The following DPYSL5 variants were observed in gnomAD, a reference collection of about 807,000 sequenced individuals.
The protein encoded by DPYSL5 is dihydropyrimidinase like 5.
A neutral mutation model predicts 58.4 loss-of-function variants in DPYSL5; 9 were observed. That is an observed-to-expected ratio of 0.15 (90% CI 0.09 to 0.27). The LOEUF is 0.27. DPYSL5 is among the 10% of genes least tolerant of loss of function. The pLI, the probability that DPYSL5 is intolerant of heterozygous loss-of-function variation, is 1.00. For missense variants in DPYSL5, 499 were observed against 770.6 expected (o/e 0.65, Z 4.17); for synonymous variants, 293 against 301.9 (o/e 0.97, Z 0.31).
chr2:26,881,260 A>T (rs1663554381), intron 1 of DPYSL5, among the ~76,000 whole-genome samples: 1 of 152,112 alleles, frequency 6.6e-6, no homozygotes, highest in African/African-American at 2.4e-5. Flanking sequence ...CCTGAAATCC[A>T]GATGCGATCA....
intron 1 of DPYSL5, among the ~76,000 whole-genome samples, chr2:26,896,224 C>A (rs1243470535): frequency 6.6e-6 from 1 of 152,198 alleles, no homozygotes; most frequent in Non-Finnish European, 1.5e-5. Flanking sequence ...AGGACCTCCC[C>A]CTTTTTTATG....
At chr2:26,881,530 G>T (rs1663561391) in intron 1 of DPYSL5, among the ~76,000 whole-genome samples, 1 of 152,178 alleles carries the variant, frequency 6.6e-6, no homozygotes, top group South Asian at 2.1e-4. Context: ...TTCTGGACTG[G>T]TGTAAAAATG....
In DPYSL5 at chr2:26,934,483, C is replaced by A. The variant is rs1006112829; in HGVS notation, c.791-95C>A. On this transcript the variant is annotated intron_variant, in intron 7 of 12. Transcript: ENST00000288699. The surrounding 1 kb of genome is among the most constrained non-coding windows in gnomAD (Gnocchi z 4.3). The stretch of plus-strand genomic sequence containing the variant: ...TGGGCAGGTCCCTTCCTGTCTCTGA[C>A]CTCAGCTCCTTCACCTGTAAAATGA... The A allele has an allele frequency of 2.0e-6, 3 of 1,469,786 alleles. No homozygotes were observed. The highest frequency in any genetic ancestry group is 1.8e-6 in the Non-Finnish European group (2 of 1,089,040). The allele number at this position is 1,469,786 out of a possible 1,614,324, so 91.0% of individuals were successfully genotyped here. A position where few individuals can be genotyped will look rare whatever the true frequency, so the allele number is the denominator to read the frequency against.
chr2:26,894,978 A>G (rs974803705), intron 1 of DPYSL5, among the ~76,000 whole-genome samples: 1 of 152,178 alleles, frequency 6.6e-6, no homozygotes. Flanking sequence ...GTTCATTTTT[A>G]TATAAGATTT....
Position 26,929,322 on chromosome 2 carries a change from T to G in DPYSL5, c.669+999T>G, listed in dbSNP as rs191588859. On this transcript the variant is annotated intron_variant, in intron 5 of 12. Coordinates refer to ENST00000288699, the MANE Select transcript of DPYSL5 (RefSeq NM_020134.4). ...ATCTCGGCTCACTGCAACCTCTGCA[T>G]CCCGGGTTCAAGCCATTCTCCTGCC... is the stretch of plus-strand genomic sequence containing the variant. 6.9e-3 allele frequency among the ~76,000 whole-genome samples: 1,056 copies of G among 152,214 alleles called. 10 individuals carry two copies. Among genetic ancestry groups the G allele is most frequent in the African/African-American group, 0.025 (1,020 of 41,506 alleles).
intron 1 of DPYSL5, among the ~76,000 whole-genome samples, chr2:26,856,249 A>C (rs1213412884): frequency 6.6e-6 from 1 of 152,202 alleles, no homozygotes; most frequent in Non-Finnish European, 1.5e-5. Flanking sequence ...CTTATTATTT[A>C]AAAAAGGGAA....
chr2:26,866,173 A>G (rs543406594), intron 1 of DPYSL5, among the ~76,000 whole-genome samples: 1 of 152,318 alleles, frequency 6.6e-6, no homozygotes, highest in South Asian at 2.1e-4. Context: ...TCTGTGTGAT[A>G]TCAAGCAAAT....
chr2:26,867,537 G>C (rs2148114653), intron 1 of DPYSL5, among the ~76,000 whole-genome samples: 1 of 148,424 alleles, frequency 6.7e-6, no homozygotes. Flanking sequence ...CTCACTGCAA[G>C]CTCCGCCTCC....
intron 2 of DPYSL5, among the ~76,000 whole-genome samples, chr2:26,913,505 T>C (rs1664491304): frequency 6.6e-6 from 1 of 152,210 alleles, no homozygotes; most frequent in Non-Finnish European, 1.5e-5. Context: ...TGCTTCTCCA[T>C]TCATCTGTCT....
intron 12 of DPYSL5, 147 bp from the exon 13 acceptor site, chr2:26,946,763 C>T: frequency 1.8e-6 from 1 of 561,018 alleles, no homozygotes. Context: ...CTTCCCTGAG[C>T]CTCTGTCTCC....
intron 1 of DPYSL5, among the ~76,000 whole-genome samples, chr2:26,878,651 T>C (rs1663473625): frequency 1.3e-5 from 2 of 152,238 alleles, no homozygotes; most frequent in Non-Finnish European, 2.9e-5. Flanking sequence ...GCAAATGTAC[T>C]GATGCTACTT....
chr2:26,884,715 A>G (rs776450913), intron 1 of DPYSL5, among the ~76,000 whole-genome samples: 3 of 152,186 alleles, frequency 2.0e-5, no homozygotes. Flanking sequence ...CTTGTTCATT[A>G]AGTCCAGCCA....
At chr2:26,893,086 AC>A (rs1443973751) in intron 1 of DPYSL5, among the ~76,000 whole-genome samples, 1 of 152,050 alleles carries the variant, frequency 6.6e-6, no homozygotes, top group African/African-American at 2.4e-5. Context: ...TCAGAATGAT[AC>A]CCTGCAGGGA....
intron 1 of DPYSL5, among the ~76,000 whole-genome samples, chr2:26,872,489 A>G (rs915275964): frequency 1.3e-5 from 2 of 152,222 alleles, no homozygotes; most frequent in South Asian, 2.1e-4. Context: ...CAGGAGTTCA[A>G]GAACAGCCTG....
rs558842867 is a variant in DPYSL5 at position 26,905,211 on chromosome 2, C to T, written c.261+6451C>T. Among the ~76,000 whole-genome samples, 2 of 152,318 alleles carry T rather than the reference C, an allele frequency of 1.3e-5. No individual in the cohort carries two copies. The highest frequency in any genetic ancestry group is 2.4e-5 in the African/African-American group (1 of 41,564). The stretch of plus-strand genomic sequence containing the variant: ...GACAGTAGCTTTATGAAATGCTGCT[C>T]CTCCCTGCAGGAATAACTGATGTCA... On this transcript the variant is annotated intron_variant, in intron 2 of 12. Transcript: ENST00000288699. This position sits in a 1 kb window ranked among gnomAD's most constrained non-coding sequence, Gnocchi z 4.0.
intron 1 of DPYSL5, among the ~76,000 whole-genome samples, chr2:26,876,334 T>G (rs1400448452): frequency 1.3e-5 from 2 of 152,084 alleles, no homozygotes; most frequent in Non-Finnish European, 2.9e-5. Flanking sequence ...ACTGGGTGCG[T>G]CCCAGTGCAC....
intron 6 of DPYSL5, among the ~76,000 whole-genome samples, chr2:26,932,020 A>G (rs1665003500): frequency 2.8e-5 from 4 of 141,568 alleles, no homozygotes; most frequent in African/African-American, 5.3e-5. Flanking sequence ...AAAAAAAAAA[A>G]AAAAAGAAAG....
At chr2:26,890,660 G>A (rs891194865) in intron 1 of DPYSL5, among the ~76,000 whole-genome samples, 23 of 152,214 alleles carry the variant, frequency 1.5e-4, no homozygotes, top group African/African-American at 5.5e-4. Context: ...CTAGATGCTT[G>A]TATTAGTCTG....
chr2:26,947,042 C>A lies in DPYSL5; in HGVS notation c.*47C>A. Reference sequence around the variant, plus strand: ...GTGAGGACGCACCGCCGCCACCAGCCCGCAACTCTCCAGCCGAAGCTGCAG... The same window carrying A: ...GTGAGGACGCACCGCCGCCACCAGCACGCAACTCTCCAGCCGAAGCTGCAG... On this transcript the variant is annotated 3_prime_UTR_variant, in exon 13 of 13. Coordinates refer to ENST00000288699, the MANE Select transcript of DPYSL5 (RefSeq NM_020134.4). The surrounding 1 kb of genome is among the most constrained non-coding windows in gnomAD (Gnocchi z 4.2). 6.8e-7 allele frequency: 1 copy of A among 1,480,882 alleles called. No individual in the cohort carries two copies. The highest frequency in any genetic ancestry group is 9.3e-7 in the Non-Finnish European group (1 of 1,069,670). The allele number at this position is 1,480,882 out of a possible 1,614,324, so 91.7% of individuals were successfully genotyped here.
Sources: gnomAD v4.1 joint callset for allele counts (sites outside exome capture counted in the v4.1 genomes callset) on GRCh38, gnomAD v4.1.1 for gene constraint, Gnocchi (gnomAD v3.1) non-coding constraint, MANE v1.5 for transcripts, NCBI Gene and HGNC (gene_info 2026-07-23, HGNC 2026-07-21) for gene names.